The following NXPE2 variants were observed in gnomAD, a reference collection of about 807,000 sequenced individuals.
The protein encoded by NXPE2 is neurexophilin and PC-esterase domain family member 2.
Under a neutral mutation model 34.4 loss-of-function variants are expected in NXPE2, and 34 were observed. The observed-to-expected ratio is 0.99, with a 90% confidence interval of 0.75 to 1.31. The LOEUF (loss-of-function observed/expected upper bound fraction) is 1.31. Among genes scored for constraint, NXPE2 ranks in the 40% most tolerant of loss-of-function variants. The probability of loss-of-function intolerance (pLI) is 0.00; values close to 1 mark genes in which losing one functional copy is unlikely to be tolerated. For synonymous variants in NXPE2, 235 were observed against 231.3 expected (o/e 1.02, Z -0.15); for missense variants, 649 against 672.5 (o/e 0.97, Z 0.39).
chr11:114,477,173 T>C, the NXPE2 span, among the ~76,000 whole-genome samples: 1 of 152,080 alleles, frequency 6.6e-6, no homozygotes, highest in Non-Finnish European at 1.5e-5. Flanking sequence ...GTCAAACTAA[T>C]AGAAGCAGAG....
At chr11:114,576,417 C>T in the NXPE2 span, among the ~76,000 whole-genome samples, 2 of 151,980 alleles carry the variant, frequency 1.3e-5, no homozygotes, top group Admixed American at 1.3e-4. Context: ...ACAGACAACT[C>T]ACAGAGTGGG....
intron 2 of NXPE2, among the ~76,000 whole-genome samples, chr11:114,687,285 T>G (rs1951065685): frequency 6.6e-6 from 1 of 152,166 alleles, no homozygotes; most frequent in South Asian, 2.1e-4. Flanking sequence ...GAGTTAATTT[T>G]TCTATATGTT....
the NXPE2 span, among the ~76,000 whole-genome samples, chr11:114,787,902 C>T: frequency 6.6e-6 from 1 of 152,100 alleles, no homozygotes; most frequent in Non-Finnish European, 1.5e-5. Flanking sequence ...CTTTGGGACT[C>T]GGCTCTTTCC....
chr11:114,788,450 T>G, the NXPE2 span, among the ~76,000 whole-genome samples: 1 of 152,150 alleles, frequency 6.6e-6, no homozygotes, highest in South Asian at 2.1e-4. Context: ...GAACATCATC[T>G]CTGGGGAGAC....
chr11:114,800,723 T>G, the NXPE2 span, among the ~76,000 whole-genome samples: 1 of 152,342 alleles, frequency 6.6e-6, no homozygotes, highest in Middle Eastern at 3.4e-3. Flanking sequence ...ACTTACTGTG[T>G]AATCTTGGAC....
the NXPE2 span, among the ~76,000 whole-genome samples, chr11:114,796,290 TATTA>T: frequency 2.6e-5 from 4 of 152,256 alleles, no homozygotes; most frequent in Non-Finnish European, 5.9e-5. Context: ...TCTGTTCGCA[TATTA>T]ATTATTGTTG....
chr11:114,678,516 A>G, upstream of NXPE2: 1 of 1,360,028 alleles, frequency 7.4e-7, no homozygotes, highest in South Asian at 1.3e-5. Flanking sequence ...GATAAATGCA[A>G]AGACTGCTTT....
the NXPE2 span, among the ~76,000 whole-genome samples, chr11:114,611,764 G>A: frequency 6.6e-6 from 1 of 150,480 alleles, no homozygotes; most frequent in East Asian, 2.0e-4. Context: ...TTGCCTCATG[G>A]GTAACCACTG....
chr11:114,772,823 ACAGAGGCAGGCTT>A, the NXPE2 span, among the ~76,000 whole-genome samples: 5 of 152,264 alleles, frequency 3.3e-5, no homozygotes, highest in South Asian at 1.0e-3. Context: ...CACTCTGAGG[ACAGAGGCAGGCTT>A]CAGGCTCATC....
At chr11:114,493,969 A>G in the NXPE2 span, among the ~76,000 whole-genome samples, 1 of 152,076 alleles carries the variant, frequency 6.6e-6, no homozygotes. Flanking sequence ...TTTTTGCTGG[A>G]TATACTATTC....
the NXPE2 span, among the ~76,000 whole-genome samples, chr11:114,503,085 CT>C: frequency 0.012 from 1,788 of 145,296 alleles, 16 homozygotes; most frequent in African/African-American, 0.032. Flanking sequence ...GGTTAGATAC[CT>C]TTTTTTTTTT....
At chr11:114,548,261 T>G in the NXPE2 span, among the ~76,000 whole-genome samples, 1 of 152,120 alleles carries the variant, frequency 6.6e-6, no homozygotes. Flanking sequence ...GACTTATTTA[T>G]AGCATGCCAA....
At chr11:114,712,275 AAAAC>A in the NXPE2 span, among the ~76,000 whole-genome samples, 8 of 152,192 alleles carry the variant, frequency 5.3e-5, no homozygotes, top group Admixed American at 3.3e-4. Flanking sequence ...ACAAAATAAA[AAAAC>A]AAACAAACAA....
the NXPE2 span, chr11:114,530,708 G>A: frequency 6.2e-7 from 1 of 1,614,218 alleles, no homozygotes. Flanking sequence ...TGGCTGTGCT[G>A]TGTGTGGCAC....
At chr11:114,617,564 G>A in the NXPE2 span, among the ~76,000 whole-genome samples, 1 of 151,952 alleles carries the variant, frequency 6.6e-6, no homozygotes, top group East Asian at 1.9e-4. Flanking sequence ...GAAAATAATA[G>A]TTGCCTCACG....
At chr11:114,661,977 T>A in the NXPE2 span, among the ~76,000 whole-genome samples, 1 of 151,874 alleles carries the variant, frequency 6.6e-6, no homozygotes, top group Middle Eastern at 3.2e-3. Flanking sequence ...GGAGGTGGGG[T>A]AAGATGGCAG....
the NXPE2 span, chr11:114,551,003 G>T: frequency 1.5e-6 from 1 of 647,644 alleles, no homozygotes; most frequent in Non-Finnish European, 2.7e-6. Flanking sequence ...AGTTGAGGTG[G>T]GGGAGGAGGG....
the NXPE2 span, among the ~76,000 whole-genome samples, chr11:114,478,088 G>A: frequency 6.6e-6 from 1 of 151,214 alleles, no homozygotes; most frequent in East Asian, 1.9e-4. Flanking sequence ...CCCCAAGTAC[G>A]AAAGAGGTTG....
At chr11:114,551,232 G>T in the NXPE2 span, 1 of 1,435,768 alleles carries the variant, frequency 7.0e-7, no homozygotes, top group South Asian at 1.2e-5. Context: ...TGACACAAGA[G>T]AGGAGTCGTG....
Sources: allele counts gnomAD v4.1 joint callset (sites outside exome capture counted in the v4.1 genomes callset), GRCh38; gene constraint gnomAD v4.1.1; transcripts MANE v1.5; gene names NCBI Gene and HGNC (gene_info 2026-07-23, HGNC 2026-07-21).